The following DMD variants were observed in gnomAD, a reference collection of about 807,000 sequenced individuals.
DMD encodes the protein dystrophin.
Under a neutral mutation model 330.1 loss-of-function variants are expected in DMD, and 63 were observed. The ratio of observed to expected loss-of-function variants is 0.19; its 90% CI spans 0.16 to 0.24. The LOEUF is 0.24. Ranked by LOEUF, DMD falls within the 10% of genes least tolerant of loss-of-function variation. The pLI is 1.00. For missense variants in DMD, 3,344 were observed against 2,684.1 expected (o/e 1.25, Z -5.43); for synonymous variants, 1,223 against 959.8 (o/e 1.27, Z -5.07).
chrX:32,715,620 T>C (rs1188328276), intron 7 of DMD, among the ~76,000 whole-genome samples: 2 of 107,958 alleles, frequency 1.9e-5, no homozygotes, highest in African/African-American at 6.8e-5. Context: ...GCCAACATGG[T>C]GAAACCCCAT....
chrX:32,141,271 C>CAAAA (rs35628041), intron 44 of DMD, among the ~76,000 whole-genome samples: 7 of 97,025 alleles, frequency 7.2e-5, no homozygotes, highest in African/African-American at 2.7e-4. Context: ...ACTAAAAATA[C>CAAAA]AAAAAAAAAA....
At chrX:32,838,561 G>T (rs2079862539) in intron 4 of DMD, among the ~76,000 whole-genome samples, 1 of 111,618 alleles carries the variant, frequency 9.0e-6, no homozygotes, top group African/African-American at 3.3e-5. Context: ...CCATGTCCCT[G>T]CAAAGGACAT....
intron 53 of DMD, among the ~76,000 whole-genome samples, chrX:31,658,655 G>A (rs1281137646): frequency 8.9e-6 from 1 of 111,753 alleles, no homozygotes; most frequent in South Asian, 3.7e-4. Context: ...TTTTTTGAAG[G>A]ATCAAAATAC....
intron 1 of DMD, among the ~76,000 whole-genome samples, chrX:33,305,458 C>T (rs1279051785): frequency 9.9e-6 from 1 of 100,583 alleles, no homozygotes; most frequent in African/African-American, 3.6e-5. Context: ...AGGAGATATA[C>T]CTAATGCTAA....
intron 1 of DMD, among the ~76,000 whole-genome samples, chrX:33,317,449 G>A (rs927788921): frequency 9.0e-6 from 1 of 111,487 alleles, no homozygotes; most frequent in Non-Finnish European, 1.9e-5. Flanking sequence ...AGTGTTTTAA[G>A]TCAACAACAT....
intron 55 of DMD, among the ~76,000 whole-genome samples, chrX:31,519,837 A>G (rs2072584526): frequency 8.9e-6 from 1 of 112,105 alleles, no homozygotes; most frequent in Non-Finnish European, 1.9e-5. Context: ...ATATAATTGG[A>G]TCTGATTCTC....
At chrX:32,268,701 CA>C (rs2097353852) in intron 43 of DMD, among the ~76,000 whole-genome samples, 1 of 111,860 alleles carries the variant, frequency 8.9e-6, no homozygotes, top group Non-Finnish European at 1.9e-5. Flanking sequence ...ATACCAGAAT[CA>C]ATCCTTAAGC....
rs185097184 is a variant in DMD, at chrX:33,319,944, T to C, written c.7+19315A>G. Among the ~76,000 whole-genome samples, 8 of 112,010 alleles carry C rather than the reference T, an allele frequency of 7.1e-5. No individual in the cohort carries two copies. In the East Asian group the frequency reaches 2.2e-3, roughly 31 times the overall value. On this transcript the variant is annotated intron_variant, in intron 1 of 17. Transcript: ENST00000288447. The stretch of plus-strand genomic sequence containing the variant: ...ATATATATTTCCACAGTTTACTTTA[T>C]GCAAATGGAGTGAGTTGTAATTTTT...
chrX:32,278,293 G>A (rs890596086), intron 43 of DMD, among the ~76,000 whole-genome samples: 1 of 111,326 alleles, frequency 9.0e-6, no homozygotes, highest in African/African-American at 3.3e-5. Context: ...GACCAGTAAC[G>A]AGTAACACAA....
chrX:31,361,596 A>G (rs2058938420), intron 60 of DMD, among the ~76,000 whole-genome samples: 1 of 111,281 alleles, frequency 9.0e-6, no homozygotes, highest in Non-Finnish European at 1.9e-5. Context: ...CAGACTCAGT[A>G]TCAGCAGCTT....
chrX:32,539,578 A>G (rs965941009), intron 17 of DMD, among the ~76,000 whole-genome samples: 2 of 111,196 alleles, frequency 1.8e-5, no homozygotes, highest in Non-Finnish European at 3.8e-5. Flanking sequence ...ATAACTTGGT[A>G]TATTTTGCCA....
chrX:31,993,175 T>C (rs964875991), intron 44 of DMD, among the ~76,000 whole-genome samples: 1 of 111,390 alleles, frequency 9.0e-6, no homozygotes, highest in Non-Finnish European at 1.9e-5. Flanking sequence ...ATTAAATGTG[T>C]CGTAGAGGTA....
At chrX:31,191,803 T>C (rs1258235573) in intron 67 of DMD, among the ~76,000 whole-genome samples, 1 of 112,331 alleles carries the variant, frequency 8.9e-6, no homozygotes. Context: ...TTTTCATTAG[T>C]AACATGTTCC....
At chrX:32,585,071 G>C (rs2054076712) in intron 13 of DMD, among the ~76,000 whole-genome samples, 1 of 111,257 alleles carries the variant, frequency 9.0e-6, no homozygotes, top group African/African-American at 3.3e-5. Context: ...AGGTCATTAT[G>C]TTAAATAAGC....
intron 62 of DMD, among the ~76,000 whole-genome samples, chrX:31,318,785 C>T (rs892803764): frequency 3.6e-5 from 4 of 111,947 alleles, no homozygotes; most frequent in Non-Finnish European, 7.5e-5. Flanking sequence ...AGAGATATTT[C>T]GAAAGGGAAC....
intron 35 of DMD, 147 bp from the exon 36 acceptor site, chrX:32,364,857 A>T: frequency 1.4e-6 from 1 of 734,835 alleles, no homozygotes; most frequent in East Asian, 3.6e-5. Context: ...ATATTGCGTA[A>T]ATATAAAGAA....
intron 44 of DMD, among the ~76,000 whole-genome samples, chrX:32,187,766 AATT>A (rs369945181): frequency 6.4e-4 from 71 of 111,183 alleles, no homozygotes; most frequent in African/African-American, 2.2e-3. Flanking sequence ...CCAAAACCAG[AATT>A]ATTTTTTTTT....
At chrX:31,460,306 C>A (rs2066452237) in intron 59 of DMD, among the ~76,000 whole-genome samples, 1 of 111,240 alleles carries the variant, frequency 9.0e-6, no homozygotes, top group African/African-American at 3.3e-5. Flanking sequence ...AATATACCCT[C>A]CCCCTGAACA....
At chrX:31,419,669 C>G (rs757499973) in intron 60 of DMD, among the ~76,000 whole-genome samples, 1 of 111,939 alleles carries the variant, frequency 8.9e-6, no homozygotes, top group African/African-American at 3.2e-5. Context: ...AAAAACTGAC[C>G]TGAAGCAATA....
Sources: allele counts gnomAD v4.1 joint callset (sites outside exome capture counted in the v4.1 genomes callset), GRCh38; gene constraint gnomAD v4.1.1; transcripts MANE v1.5; gene names NCBI Gene and HGNC (gene_info 2026-07-23, HGNC 2026-07-21).